ANO4: variants seen among roughly 807,000 people sequenced by gnomAD.
The protein encoded by ANO4 is anoctamin 4.
ANO4 carries 69 observed loss-of-function variants against 141.9 expected under a neutral mutation model. The ratio of observed to expected loss-of-function variants is 0.49; its 90% CI spans 0.40 to 0.59. The LOEUF (loss-of-function observed/expected upper bound fraction) is 0.59. Among genes scored for constraint, ANO4 ranks in the 20% least tolerant of loss-of-function variants. The pLI, the probability that ANO4 is intolerant of heterozygous loss-of-function variation, is 0.00. For missense variants in ANO4, 894 were observed against 1,162.2 expected (o/e 0.77, Z 3.36); for synonymous variants, 350 against 394.3 (o/e 0.89, Z 1.33).
chr12:101,057,678 G>C (rs548952820), intron 14 of ANO4, among the ~76,000 whole-genome samples: 1 of 152,064 alleles, frequency 6.6e-6, no homozygotes, highest in Non-Finnish European at 1.5e-5. Flanking sequence ...AGAAGTTTCT[G>C]TTCATATCCT....
chr12:100,822,762 G>A (rs2036122062), intron 1 of ANO4, among the ~76,000 whole-genome samples: 1 of 151,958 alleles, frequency 6.6e-6, no homozygotes, highest in Non-Finnish European at 1.5e-5. Context: ...CTTCCAGTAG[G>A]AATCAATAAA....
chr12:101,046,187 T>G (rs2047623620), intron 13 of ANO4, among the ~76,000 whole-genome samples: 1 of 152,260 alleles, frequency 6.6e-6, no homozygotes, highest in Non-Finnish European at 1.5e-5. Flanking sequence ...AATTGGGCAC[T>G]TTCCCTTGAT....
Position 100,749,938 on chromosome 12 carries a change from G to T in ANO4, c.358+9833G>T, listed in dbSNP as rs541978899. 7.9e-5 allele frequency among the ~76,000 whole-genome samples: 12 copies of T among 152,186 alleles called. No homozygotes were observed. The South Asian group carries it at 2.5e-3, about 32-fold the overall frequency. The stretch of plus-strand genomic sequence containing the variant: ...TAGCACTTCGTAATTAATGGGATGT[G>T]ATATATGACTGAATGGATGTCCCGT... On this transcript the variant is annotated intron_variant, in intron 3 of 29. Transcript: ENST00000644049.
At chr12:101,084,830 C>G (rs2049419107) in intron 16 of ANO4, among the ~76,000 whole-genome samples, 1 of 152,172 alleles carries the variant, frequency 6.6e-6, no homozygotes, top group African/African-American at 2.4e-5. Context: ...ACTTGGAACA[C>G]AGGAGGCTGG....
intron 1 of ANO4, among the ~76,000 whole-genome samples, 161 bp downstream of exon 1, chr12:100,795,188 G>T (rs1197453793): frequency 6.6e-6 from 1 of 152,160 alleles, no homozygotes; most frequent in African/African-American, 2.4e-5. Flanking sequence ...GGGGTCATTT[G>T]CCTGGAGTGT....
intron 5 of ANO4, among the ~76,000 whole-genome samples, chr12:100,945,105 T>C (rs2042672288): frequency 1.3e-5 from 2 of 152,198 alleles, no homozygotes; most frequent in Admixed American, 6.5e-5. Flanking sequence ...GCACATTTTA[T>C]GAATTATTAG....
chr12:101,046,571 T>G, intron 13 of ANO4, among the ~76,000 whole-genome samples: 1 of 152,224 alleles, frequency 6.6e-6, no homozygotes, highest in East Asian at 1.9e-4. Flanking sequence ...TCTTTGTTTT[T>G]TGTTTTTGTG....
At chr12:100,737,569 G>A (rs1462318543) in intron 2 of ANO4, among the ~76,000 whole-genome samples, 1 of 152,212 alleles carries the variant, frequency 6.6e-6, no homozygotes. Context: ...ACAAGGCTGT[G>A]TGGGGTGGGA....
At chr12:100,865,402 A>C (rs2038702532) in intron 1 of ANO4, among the ~76,000 whole-genome samples, 1 of 152,216 alleles carries the variant, frequency 6.6e-6, no homozygotes, top group South Asian at 2.1e-4. Context: ...AAATTTTTGC[A>C]ATCTATCCAT....
intron 9 of ANO4, among the ~76,000 whole-genome samples, chr12:101,023,003 C>T (rs986353662): frequency 5.9e-5 from 9 of 152,044 alleles, no homozygotes; most frequent in African/African-American, 1.2e-4. Context: ...CCTCTCAAAA[C>T]GACTCTTTAT....
rs1489304644 is a variant in ANO4 at position 100,831,717 on chromosome 12, G to T, written c.-141+36690G>T. Among the ~76,000 whole-genome samples the T allele has an allele frequency of 2.6e-5, 4 of 152,076 alleles. No homozygotes were observed. The East Asian group carries it at 7.7e-4, about 29-fold the overall frequency. On this transcript the variant is annotated intron_variant, in intron 1 of 27. Transcript: ENST00000392977. The stretch of plus-strand genomic sequence containing the variant: ...TTCATTAGGTTGTGATAAGGTGGAA[G>T]GGCCAGTGTCCTGAGTGTCAGAAAA...
chr12:100,829,605 T>C (rs1250111009), intron 1 of ANO4, among the ~76,000 whole-genome samples: 2 of 152,116 alleles, frequency 1.3e-5, no homozygotes, highest in African/African-American at 4.8e-5. Context: ...AGTTAATATT[T>C]TGCTTTATGA....
chr12:100,856,433 T>C (rs1006166635), intron 1 of ANO4, among the ~76,000 whole-genome samples: 1 of 152,144 alleles, frequency 6.6e-6, no homozygotes, highest in Non-Finnish European at 1.5e-5. Flanking sequence ...TGTTTGTAAC[T>C]CAGTAGTAAG....
At chr12:101,114,630 G>A (rs915058647) in intron 24 of ANO4, among the ~76,000 whole-genome samples, 8 of 152,080 alleles carry the variant, frequency 5.3e-5, no homozygotes, top group Non-Finnish European at 2.9e-5. Flanking sequence ...AGTGCAGGAG[G>A]GGTTATGAAT....
chr12:100,955,567 A>C (rs986153329), intron 5 of ANO4, among the ~76,000 whole-genome samples: 1 of 152,238 alleles, frequency 6.6e-6, no homozygotes, highest in Non-Finnish European at 1.5e-5. Flanking sequence ...ATGGAGAGTC[A>C]TAAGGTTCTA....
intron 3 of ANO4, among the ~76,000 whole-genome samples, chr12:100,937,668 T>C (rs2136160552): frequency 6.6e-6 from 1 of 152,286 alleles, no homozygotes; most frequent in Non-Finnish European, 1.5e-5. Flanking sequence ...ACAAGCTTAG[T>C]GGCCTCAAAC....
intron 27 of ANO4, 38 bp downstream of exon 27, chr12:101,127,112 G>A (rs748168568): frequency 1.1e-5 from 18 of 1,566,878 alleles, no homozygotes; most frequent in East Asian, 4.6e-5. Context: ...AGGCCATTCC[G>A]AGGTTGAATG....
At chr12:101,000,769 G>A (rs1347164761) in intron 8 of ANO4, among the ~76,000 whole-genome samples, 1 of 152,186 alleles carries the variant, frequency 6.6e-6, no homozygotes, top group East Asian at 1.9e-4. Context: ...GACTTTAAAG[G>A]GACAAAGAGG....
At chr12:101,092,678 T>C (rs1455427947) in intron 17 of ANO4, among the ~76,000 whole-genome samples, 1 of 152,208 alleles carries the variant, frequency 6.6e-6, no homozygotes, top group Admixed American at 6.5e-5. Flanking sequence ...TACCTTATTT[T>C]TCACAAGGTT....
Sources: gnomAD v4.1 joint callset for allele counts (sites outside exome capture counted in the v4.1 genomes callset) on GRCh38, gnomAD v4.1.1 for gene constraint, MANE v1.5 for transcripts, NCBI Gene and HGNC (gene_info 2026-07-23, HGNC 2026-07-21) for gene names.